Variants in RAPGEF4 observed in about 807,000 individuals in gnomAD.
RAPGEF4 encodes Rap guanine nucleotide exchange factor 4.
RAPGEF4 carries 66 observed loss-of-function variants against 147.9 expected under a neutral mutation model. That is an observed-to-expected ratio of 0.45 (90% confidence interval 0.37 to 0.55). The LOEUF is 0.55. Among genes scored for constraint, RAPGEF4 ranks in the 20% least tolerant of loss-of-function variants. The probability of loss-of-function intolerance (pLI) is 0.00; values close to 1 mark genes in which losing one functional copy is unlikely to be tolerated. For synonymous variants in RAPGEF4, 419 were observed against 442.7 expected (o/e 0.95, Z 0.67); for missense variants, 1,071 against 1,257.3 (o/e 0.85, Z 2.24).
At chr2:173,039,156 C>T (rs2106027812) in intron 29 of RAPGEF4, among the ~76,000 whole-genome samples, 1 of 152,300 alleles carries the variant, frequency 6.6e-6, no homozygotes, top group Non-Finnish European at 1.5e-5. Context: ...TTATTTCTTT[C>T]TCACTTAAAA....
At chr2:172,754,093 G>A (rs1254726335) in intron 1 of RAPGEF4, among the ~76,000 whole-genome samples, 1 of 152,124 alleles carries the variant, frequency 6.6e-6, no homozygotes, top group East Asian at 1.9e-4. Context: ...TTAATTTTTT[G>A]CTATAAACTC....
intron 6 of RAPGEF4, among the ~76,000 whole-genome samples, chr2:172,959,557 T>C (rs975131662): frequency 1.3e-5 from 2 of 152,088 alleles, no homozygotes; most frequent in African/African-American, 4.8e-5. Flanking sequence ...CCTACCACAA[T>C]CTCATAAGAA....
chr2:172,813,774 G>A (rs1456996312), intron 3 of RAPGEF4, among the ~76,000 whole-genome samples: 1 of 152,084 alleles, frequency 6.6e-6, no homozygotes, highest in African/African-American at 2.4e-5. Flanking sequence ...ATTCCTGCTG[G>A]CAGCTTTATT....
intron 1 of RAPGEF4, among the ~76,000 whole-genome samples, chr2:172,753,011 T>C (rs1695434059): frequency 6.6e-6 from 1 of 152,182 alleles, no homozygotes; most frequent in South Asian, 2.1e-4. Context: ...TCAAAGCAAT[T>C]CTAATTTTAA....
At chr2:172,929,961 C>A (rs1263204625) in intron 6 of RAPGEF4, among the ~76,000 whole-genome samples, 1 of 152,146 alleles carries the variant, frequency 6.6e-6, no homozygotes, top group Non-Finnish European at 1.5e-5. Context: ...GCATCTTGCC[C>A]AGGGAGGTGT....
In RAPGEF4 at chr2:173,033,391, G is replaced by A. The variant is rs563170017; in HGVS notation, c.2650-523G>A. 2.0e-5 allele frequency among the ~76,000 whole-genome samples: 3 copies of A among 152,218 alleles called. No homozygotes were observed. In the South Asian group the frequency reaches 6.2e-4, roughly 32 times the overall value. On this transcript the variant is annotated intron_variant, in intron 26 of 30. Coordinates refer to ENST00000397081, the MANE Select transcript of RAPGEF4 (RefSeq NM_007023.4). Reference sequence around the variant, plus strand: ...CAATCTATTCAAATGAATATTTAGGGAGTACTATGTACCCAGTACTTTTTT... The same window carrying A: ...CAATCTATTCAAATGAATATTTAGGAAGTACTATGTACCCAGTACTTTTTT...
At chr2:172,894,495 C>A (rs1698270357) in intron 4 of RAPGEF4, 1 of 152,068 alleles carries the variant, frequency 6.6e-6, no homozygotes. Context: ...TTCTGATTTC[C>A]TTCTCTTTTT....
chr2:172,877,342 G>A (rs1696074061), intron 4 of RAPGEF4, among the ~76,000 whole-genome samples: 1 of 152,010 alleles, frequency 6.6e-6, no homozygotes, highest in African/African-American at 2.4e-5. Context: ...ACAGGGAGGG[G>A]AACATCACAC....
intron 21 of RAPGEF4, among the ~76,000 whole-genome samples, 189 bp downstream of exon 21, chr2:173,017,693 A>T (rs1289884633): frequency 6.6e-6 from 1 of 152,130 alleles, no homozygotes; most frequent in Admixed American, 6.6e-5. Flanking sequence ...TGAAGCCGAG[A>T]TGCCTGTCTA....
At chr2:172,859,297 A>T (rs763741533) in intron 4 of RAPGEF4, among the ~76,000 whole-genome samples, 2 of 152,254 alleles carry the variant, frequency 1.3e-5, no homozygotes, top group Non-Finnish European at 2.9e-5. Context: ...ATCTGAGTTT[A>T]AAAAGCATTG....
At chr2:172,955,977 A>T (rs1270589635) in intron 6 of RAPGEF4, among the ~76,000 whole-genome samples, 1 of 152,188 alleles carries the variant, frequency 6.6e-6, no homozygotes, top group Non-Finnish European at 1.5e-5. Context: ...CGGATACTGC[A>T]GTGCTGCTTC....
intron 8 of RAPGEF4, among the ~76,000 whole-genome samples, chr2:172,964,401 A>AT (rs11374637): frequency 0.39 from 45,242 of 114,656 alleles, 9,333 homozygotes; most frequent in South Asian, 0.47. Flanking sequence ...TGCTCCTCCT[A>AT]TTTTTTTTTT....
chr2:172,839,374 G>A (rs1339358906), intron 4 of RAPGEF4, among the ~76,000 whole-genome samples: 4 of 152,060 alleles, frequency 2.6e-5, no homozygotes, highest in African/African-American at 7.3e-5. Flanking sequence ...CCATATTTAT[G>A]GTTATTTCTT....
chr2:172,955,269 A>G (rs770458752), intron 6 of RAPGEF4, among the ~76,000 whole-genome samples: 6 of 152,188 alleles, frequency 3.9e-5, no homozygotes, highest in Non-Finnish European at 7.3e-5. Context: ...GGCTAAATTC[A>G]TATTTTTCAT....
intron 3 of RAPGEF4, among the ~76,000 whole-genome samples, chr2:172,808,062 T>G (rs1369946052): frequency 2.0e-5 from 3 of 152,236 alleles, no homozygotes; most frequent in Non-Finnish European, 4.4e-5. Flanking sequence ...CTTGTGTAAG[T>G]TGGATTTCAG....
intron 4 of RAPGEF4, among the ~76,000 whole-genome samples, chr2:172,830,465 T>C (rs546177033): frequency 6.6e-6 from 1 of 152,362 alleles, no homozygotes; most frequent in Non-Finnish European, 1.5e-5. Context: ...TGTGTGGTTT[T>C]GTATCCTCAG....
At chr2:172,892,965 C>T (rs746464049) in intron 4 of RAPGEF4, among the ~76,000 whole-genome samples, 5 of 152,214 alleles carry the variant, frequency 3.3e-5, no homozygotes, top group Non-Finnish European at 2.9e-5. Context: ...AAGAGAAAAT[C>T]AAAAAATTAG....
chr2:173,032,670 T>C (rs1439132410), intron 26 of RAPGEF4, among the ~76,000 whole-genome samples: 2 of 151,520 alleles, frequency 1.3e-5, no homozygotes, highest in African/African-American at 4.9e-5. Flanking sequence ...GCATCAAGTC[T>C]TCCTGAACCC....
intron 4 of RAPGEF4, among the ~76,000 whole-genome samples, chr2:172,883,763 A>C (rs1418142789): frequency 6.6e-6 from 1 of 152,092 alleles, no homozygotes; most frequent in Non-Finnish European, 1.5e-5. Flanking sequence ...AAGCCACAGA[A>C]TCAACTTGTG....
Sources: gnomAD v4.1 joint callset for allele counts (sites outside exome capture counted in the v4.1 genomes callset) on GRCh38, gnomAD v4.1.1 for gene constraint, MANE v1.5 for transcripts, NCBI Gene and HGNC (gene_info 2026-07-23, HGNC 2026-07-21) for gene names.